Variants in CNN2 observed in about 807,000 individuals in gnomAD.
CNN2 encodes calponin-2.
A neutral mutation model predicts 31.0 loss-of-function variants in CNN2; 21 were observed. That is an observed-to-expected ratio of 0.68 (90% CI 0.48 to 0.98). The LOEUF (loss-of-function observed/expected upper bound fraction) is 0.98, where lower values mean the gene tolerates loss of function less well. Among genes scored for constraint, CNN2 ranks in the 50% least tolerant of loss-of-function variants. The probability of loss-of-function intolerance (pLI) is 0.00; values close to 1 mark genes in which losing one functional copy is unlikely to be tolerated. For missense variants in CNN2, 399 were observed against 427.3 expected (o/e 0.93, Z 0.58); for synonymous variants, 165 against 179.6 (o/e 0.92, Z 0.65).
At chr19:1,030,508 C>T (rs1274529967) in intron 1 of CNN2, among the ~76,000 whole-genome samples, 1 of 152,082 alleles carries the variant, frequency 6.6e-6, no homozygotes. Context: ...CGCCTGCAGT[C>T]CCAGCTACTC....
At chr19:1,027,526 C>A (rs926048411) in intron 1 of CNN2, among the ~76,000 whole-genome samples, 4 of 152,230 alleles carry the variant, frequency 2.6e-5, no homozygotes, top group Non-Finnish European at 5.9e-5. Context: ...TAAAAACAAG[C>A]CAGGGCTAGG....
rs1386410780 is a variant in CNN2 at position 1,026,611 on chromosome 19, C to G, written c.-51C>G. 1.4e-6 allele frequency: 2 copies of G among 1,400,460 alleles called. No homozygotes were observed. The highest frequency in any genetic ancestry group is 3.0e-5 in the African/African-American group (2 of 65,986). The allele number at this position is 1,400,460 out of a possible 1,614,324, so 86.8% of individuals were successfully genotyped here. A position where few individuals can be genotyped will look rare whatever the true frequency, so the allele number is the denominator to read the frequency against. ...CCCAACCCCGCGCCAGCCCGGCGGT[C>G]CCGTCCCGTCCCGTCCTGTGCGGCC... On this transcript the variant is annotated 5_prime_UTR_variant, in exon 1 of 7. Transcript: ENST00000263097.
chr19:1,026,751 C>G (rs777386828), intron 1 of CNN2, 27 bp downstream of exon 1: 1 of 1,544,786 alleles, frequency 6.5e-7, no homozygotes, highest in African/African-American at 1.4e-5. Context: ...CCTTGTCCCC[C>G]CGACAGCGCG....
At chr19:1,030,849 C>A in intron 1 of CNN2, 1 of 486,648 alleles carries the variant, frequency 2.1e-6, no homozygotes, top group Non-Finnish European at 3.8e-6. Flanking sequence ...CGGTTGTCGG[C>A]CTGCTTGGAG....
chr19:1,026,855 T>C lies in CNN2; in HGVS notation c.63+131T>C, dbSNP rs1051886502. On this transcript the variant is annotated intron_variant, in intron 1 of 6. Coordinates refer to ENST00000263097, the MANE Select transcript of CNN2 (RefSeq NM_004368.4). Reference sequence around the variant, plus strand: ...GAGACCCGGGGCGGACGGGCCCTTGTTCTCCCTGACGCCTGGTGGGGGGAT... The same window carrying C: ...GAGACCCGGGGCGGACGGGCCCTTGCTCTCCCTGACGCCTGGTGGGGGGAT... The C allele has an allele frequency of 3.3e-5, 28 of 853,356 alleles. No individual in the cohort carries two copies. The African/African-American group carries it at 5.1e-4, about 15-fold the overall frequency. 52.9% of individuals were successfully genotyped at this position (853,356 alleles called of 1,614,324 possible).
intron 2 of CNN2, among the ~76,000 whole-genome samples, chr19:1,032,160 G>A (rs1030460733): frequency 2.0e-5 from 3 of 151,750 alleles, no homozygotes; most frequent in East Asian, 1.9e-4. Flanking sequence ...ACTTGAACCC[G>A]GGAGGTGGAG....
In CNN2 at chr19:1,037,720, C is replaced by T; in HGVS notation, c.750C>T (p.Gly250=). The T allele has an allele frequency of 2.5e-6, 4 of 1,611,676 alleles. No individual in the cohort carries two copies. In the South Asian group the frequency reaches 4.4e-5, roughly 18 times the overall value. ...CDNSSMSLQM[G]YTQGANQSGQ... ...ACTCCTCCATGTCCCTGCAGATGGG[C>T]TACACGCAGGGCGCCAACCAGAGCG... is the stretch of plus-strand genomic sequence containing the variant. Residue 250 remains glycine, a synonymous_variant, in exon 7 of 7, where the codon GGC becomes GGT. Transcript: ENST00000263097.
intron 4 of CNN2, 158 bp downstream of exon 4, chr19:1,032,854 C>A (rs775155827): frequency 1.6e-6 from 1 of 608,356 alleles, no homozygotes; most frequent in Non-Finnish European, 2.9e-6. Flanking sequence ...TCTCAGCTCA[C>A]TGCAACCTCC....
chr19:1,037,782 C>G lies in CNN2; in HGVS notation c.812C>G (p.Pro271Arg), dbSNP rs75676484. The G allele has an allele frequency of 1.9e-6, 3 of 1,590,460 alleles. No individual in the cohort carries two copies. The highest frequency in any genetic ancestry group is 1.4e-5 in the African/African-American group (1 of 71,532). The change falls in exon 7 of 7, where the codon CCC becomes CGC. Residue 271 changes from proline to arginine, a missense_variant. Coordinates refer to ENST00000263097, the MANE Select transcript of CNN2 (RefSeq NM_004368.4). ...VFGLGRQIYD[P>R]KYCPQGTVAD... ...GGCCTGGGCCGGCAGATATATGACCCCAAGTACTGCCCGCAAGGCACAGTG... is the reference window on the plus strand; with the variant it reads ...GGCCTGGGCCGGCAGATATATGACCGCAAGTACTGCCCGCAAGGCACAGTG...
intron 6 of CNN2, chr19:1,037,298 C>T (rs1372479376): frequency 3.9e-5 from 10 of 257,352 alleles, no homozygotes; most frequent in East Asian, 1.8e-4. Flanking sequence ...CCACCACGCC[C>T]GGCTAATTTT....
rs992575322 is a variant in CNN2 at position 1,026,661 on chromosome 19, C to T, written c.-1C>T. 6.5e-7 allele frequency: 1 copy of T among 1,541,552 alleles called. No homozygotes were observed. Among genetic ancestry groups the T allele is most frequent in the Non-Finnish European group, 8.7e-7 (1 of 1,144,178 alleles). The stretch of plus-strand genomic sequence containing the variant: ...CCCGTCCCGCCGCCCGCCCGCCAGC[C>T]ATGAGCTCCACGCAGTTCAACAAGG... On this transcript the variant is annotated 5_prime_UTR_variant, in exon 1 of 7. Transcript: ENST00000263097.
intron 1 of CNN2, among the ~76,000 whole-genome samples, chr19:1,030,194 G>A (rs1003738159): frequency 1.3e-5 from 2 of 152,114 alleles, no homozygotes; most frequent in African/African-American, 4.8e-5. Flanking sequence ...CATTCCCCAC[G>A]GCGGTGTCTC....
chr19:1,030,943 G>A (rs1203927632), intron 1 of CNN2, 128 bp from the exon 2 acceptor site: 2 of 1,204,190 alleles, frequency 1.7e-6, no homozygotes, highest in Non-Finnish European at 2.3e-6. Context: ...GTGGTGAGGG[G>A]GGACCTCCAG....
chr19:1,036,077 T>G (rs2039577977), intron 4 of CNN2, 53 bp from the exon 5 acceptor site: 2 of 1,533,560 alleles, frequency 1.3e-6, no homozygotes, highest in Non-Finnish European at 1.8e-6. Context: ...GGCCTAGATC[T>G]AGGGTCCCTG....
chr19:1,029,592 C>T (rs1443060273), intron 1 of CNN2, among the ~76,000 whole-genome samples: 3 of 152,162 alleles, frequency 2.0e-5, no homozygotes, highest in Non-Finnish European at 4.4e-5. Flanking sequence ...CCCAAATAAT[C>T]CCAGGAAGAG....
At chr19:1,030,929 G>A (rs2039479025) in intron 1 of CNN2, 142 bp from the exon 2 acceptor site, 5 of 1,045,052 alleles carry the variant, frequency 4.8e-6, no homozygotes, top group Non-Finnish European at 7.0e-6. Context: ...GCATCTGCGT[G>A]GGTGTGGTGA....
At chr19:1,037,380 C>A in intron 6 of CNN2, 1 of 490,808 alleles carries the variant, frequency 2.0e-6, no homozygotes, top group Non-Finnish European at 3.7e-6. Context: ...TCAGGTGATC[C>A]TCCCACCTCA....
Position 1,036,204 on chromosome 19 carries a change from C to T in CNN2, c.465C>T (p.Asp155=), listed in dbSNP as rs376183060. The part of the protein sequence containing the change: ...KYSEKQERNF[D]DATMKAGQCV... ...CGGAGAAGCAGGAGCGGAATTTCGA[C>T]GATGCCACCATGAAGGCTGGCCAGT... is the stretch of plus-strand genomic sequence containing the variant. Residue 155 remains aspartate, a synonymous_variant, in exon 5 of 7, where the codon GAC becomes GAT. Coordinates refer to ENST00000263097, the MANE Select transcript of CNN2 (RefSeq NM_004368.4). The T allele has an allele frequency of 6.1e-5, 96 of 1,576,426 alleles. No homozygotes were observed. In the African/African-American group the frequency reaches 6.3e-4, roughly 10 times the overall value.
In CNN2 at chr19:1,036,143, G is replaced by A; in HGVS notation, c.404G>A (p.Gly135Glu). Residue 135 changes from glycine to glutamate, a missense_variant, in exon 5 of 7, where the codon GGG becomes GAG. Coordinates refer to ENST00000263097, the MANE Select transcript of CNN2 (RefSeq NM_004368.4). ...TCCCTCACCCAGGCCAAGACTAAGG[G>A]GCTGCAGAGCGGGGTGGACATTGGC... is the stretch of plus-strand genomic sequence containing the variant. ...LALAGKAKTK[G>E]LQSGVDIGVK... 1.9e-6 allele frequency: 3 copies of A among 1,611,762 alleles called. No homozygotes were observed. Among genetic ancestry groups the A allele is most frequent in the Non-Finnish European group, 2.5e-6 (3 of 1,178,862 alleles).
Sources: allele counts gnomAD v4.1 joint callset (sites outside exome capture counted in the v4.1 genomes callset), GRCh38; gene constraint gnomAD v4.1.1; transcripts MANE v1.5; gene names NCBI Gene and HGNC (gene_info 2026-07-23, HGNC 2026-07-21).